LAPTM4B: variants seen among roughly 807,000 people sequenced by gnomAD.
LAPTM4B encodes lysosomal-associated transmembrane protein 4B.
In LAPTM4B, 26 loss-of-function variants were observed where a neutral mutation model predicts 28.5. The observed-to-expected ratio is 0.91, with a 90% CI of 0.67 to 1.27. The LOEUF is 1.27. Among genes scored for constraint, LAPTM4B ranks in the 50% most tolerant of loss-of-function variants. The pLI, the probability that LAPTM4B is intolerant of heterozygous loss-of-function variation, is 0.00. For missense variants in LAPTM4B, 288 were observed against 285.8 expected (o/e 1.01, Z -0.06); for synonymous variants, 109 against 106.4 (o/e 1.02, Z -0.15).
intron 6 of LAPTM4B, among the ~76,000 whole-genome samples, chr8:97,827,660 T>A (rs962011253): frequency 1.3e-5 from 2 of 152,022 alleles, no homozygotes; most frequent in African/African-American, 4.8e-5. Context: ...TGTTTCCAGG[T>A]AGATAGTATT....
chr8:97,812,226 TG>T (rs371442350), intron 2 of LAPTM4B, among the ~76,000 whole-genome samples: 12,172 of 45,056 alleles, frequency 0.27, 949 homozygotes, highest in Non-Finnish European at 0.43. Flanking sequence ...TGTTGTTTTT[TG>T]TTTTTTTTTT....
chr8:97,808,591 T>G (rs1235211375), intron 2 of LAPTM4B, among the ~76,000 whole-genome samples: 1 of 152,060 alleles, frequency 6.6e-6, no homozygotes, highest in East Asian at 1.9e-4. Flanking sequence ...AAAAGAAGTT[T>G]AAAAAAACAG....
At position 97,800,591 on chromosome 8, in the gene LAPTM4B, G is replaced by A. The variant is rs148725589; in HGVS notation, c.100-4762G>A. ...GGCTCACGGTAACCTCCGCCTCCCG[G>A]GTTCAAGCAATTCTCCTGCCTCAGC... is the stretch of plus-strand genomic sequence containing the variant. On this transcript the variant is annotated intron_variant, in intron 1 of 6. Transcript: ENST00000521545. Among the ~76,000 whole-genome samples, 601 of 146,518 alleles carry A rather than the reference G, an allele frequency of 4.1e-3. 4 individuals carry two copies. Among genetic ancestry groups the A allele is most frequent in the African/African-American group, 0.014 (555 of 39,268 alleles).
At chr8:97,788,913 C>G (rs1210956310) in intron 1 of LAPTM4B, among the ~76,000 whole-genome samples, 1 of 151,784 alleles carries the variant, frequency 6.6e-6, no homozygotes, top group Non-Finnish European at 1.5e-5. Context: ...CCAGGTTGGT[C>G]TCGAACTCCT....
chr8:97,828,845 T>G (rs2129820045), intron 6 of LAPTM4B, among the ~76,000 whole-genome samples: 1 of 152,328 alleles, frequency 6.6e-6, no homozygotes, highest in Non-Finnish European at 1.5e-5. Flanking sequence ...CAGTGGAAAC[T>G]CCTAATCCTA....
chr8:97,817,704 C>A (rs1227242072), intron 4 of LAPTM4B, among the ~76,000 whole-genome samples: 1 of 151,860 alleles, frequency 6.6e-6, no homozygotes, highest in Non-Finnish European at 1.5e-5. Context: ...CCCTCATCGG[C>A]CTCCCAGAGT....
intron 1 of LAPTM4B, among the ~76,000 whole-genome samples, chr8:97,789,571 A>G (rs1281062014): frequency 2.0e-5 from 3 of 149,782 alleles, no homozygotes; most frequent in Non-Finnish European, 3.0e-5. Context: ...CTTATTGTCC[A>G]GGCTGGAGTG....
chr8:97,816,095 A>G lies in LAPTM4B; in HGVS notation c.323A>G (p.Gln108Arg). The G allele has an allele frequency of 1.9e-6, 3 of 1,613,674 alleles. No homozygotes were observed. Among genetic ancestry groups the G allele is most frequent in the Non-Finnish European group, 2.5e-6 (3 of 1,179,814 alleles). ...TGGATCATCCCATTCTTCTGTTACCAGATCTTTGACTTTGCCCTGAACATG... is the reference window on the plus strand; with the variant it reads ...TGGATCATCCCATTCTTCTGTTACCGGATCTTTGACTTTGCCCTGAACATG... ...AAWIIPFFCY[Q>R]IFDFALNMLV... The change falls in exon 4 of 7, where the codon CAG becomes CGG. Residue 108 changes from glutamine (Q) to arginine (R), a missense_variant. Physicochemically the swap from Gln to Arg is conservative, Grantham distance 43. Coordinates refer to ENST00000521545, the MANE Select transcript of LAPTM4B (RefSeq NM_018407.6).
chr8:97,802,929 G>A (rs945847642), intron 1 of LAPTM4B, among the ~76,000 whole-genome samples: 7 of 151,942 alleles, frequency 4.6e-5, no homozygotes, highest in African/African-American at 1.5e-4. Context: ...GGCCAGGCAC[G>A]GTGCCTCACG....
At chr8:97,827,825 G>A in intron 6 of LAPTM4B, among the ~76,000 whole-genome samples, 1 of 152,142 alleles carries the variant, frequency 6.6e-6, no homozygotes, top group East Asian at 1.9e-4. Flanking sequence ...GGTAAGCAGT[G>A]GAAAGTTACA....
chr8:97,814,355 A>G (rs1054838892), intron 2 of LAPTM4B, among the ~76,000 whole-genome samples: 3 of 152,188 alleles, frequency 2.0e-5, no homozygotes, highest in Non-Finnish European at 4.4e-5. Flanking sequence ...TACTAAAAAT[A>G]TAAAAATTGG....
rs753400378 is a variant in LAPTM4B, at chr8:97,776,103, T to C, written c.94T>C (p.Tyr32His). ...CGGCACCATCCTGCTCGGCGTCTGGTATCTGGTGAGCGCGGCGCGCCCGGC... is the reference window on the plus strand; with the variant it reads ...CGGCACCATCCTGCTCGGCGTCTGGCATCTGGTGAGCGCGGCGCGCCCGGC... ...RTGTILLGVW[Y>H]LIINAVVLLI... The change falls in exon 1 of 7, where the codon TAT becomes CAT. Residue 32 changes from tyrosine to histidine, a missense_variant. Tyr to His is a moderately conservative substitution (Grantham distance 83, BLOSUM62 2). Coordinates refer to ENST00000521545, the MANE Select transcript of LAPTM4B (RefSeq NM_018407.6). 3 of 1,577,166 alleles carry C rather than the reference T, an allele frequency of 1.9e-6. No individual in the cohort carries two copies. The Admixed American group carries it at 5.2e-5, about 27-fold the overall frequency.
chr8:97,824,571 CTG>C (rs943705962), intron 5 of LAPTM4B, among the ~76,000 whole-genome samples: 1 of 152,048 alleles, frequency 6.6e-6, no homozygotes, highest in African/African-American at 2.4e-5. Flanking sequence ...ATTTTATTGA[CTG>C]TGAGATAAAT....
At chr8:97,800,608 T>C (rs957105332) in intron 1 of LAPTM4B, among the ~76,000 whole-genome samples, 2 of 149,240 alleles carry the variant, frequency 1.3e-5, no homozygotes, top group Admixed American at 6.9e-5. Flanking sequence ...GCAATTCTCC[T>C]GCCTCAGCTT....
At chr8:97,836,887 T>G (rs1054614720) in intron 6 of LAPTM4B, among the ~76,000 whole-genome samples, 2 of 151,956 alleles carry the variant, frequency 1.3e-5, no homozygotes, top group Non-Finnish European at 2.9e-5. Flanking sequence ...AAAAACGCAA[T>G]TGAAGAAAGG....
At chr8:97,798,933 G>A (rs959639921) in intron 1 of LAPTM4B, among the ~76,000 whole-genome samples, 2 of 152,178 alleles carry the variant, frequency 1.3e-5, no homozygotes, top group East Asian at 1.9e-4. Flanking sequence ...AATCGACGTC[G>A]TCATAGTCCT....
rs570194161 is a variant in LAPTM4B at position 97,849,450 on chromosome 8, A to T, written c.604-1947A>T. On this transcript the variant is annotated intron_variant, in intron 6 of 6. Coordinates refer to ENST00000521545, the MANE Select transcript of LAPTM4B (RefSeq NM_018407.6). ...CCTGCTGTGCTTCCTTACCTCAGGC[A>T]TGTGTTCTGTACTGAGTGTATCTTG... 2.6e-5 allele frequency among the ~76,000 whole-genome samples: 4 copies of T among 152,292 alleles called. No individual in the cohort carries two copies. In the East Asian group the frequency reaches 7.7e-4, roughly 29 times the overall value.
intron 5 of LAPTM4B, among the ~76,000 whole-genome samples, chr8:97,822,231 T>A (rs899378164): frequency 1.4e-5 from 2 of 143,840 alleles, no homozygotes; most frequent in South Asian, 4.2e-4. Flanking sequence ...CTCATTGTAG[T>A]TCGTCTTTGA....
chr8:97,787,208 C>T (rs1189958092), intron 1 of LAPTM4B, among the ~76,000 whole-genome samples: 1 of 151,800 alleles, frequency 6.6e-6, no homozygotes, highest in Non-Finnish European at 1.5e-5. Context: ...AAAATGCACA[C>T]ATCACTTTCA....
Sources: allele counts gnomAD v4.1 joint callset (sites outside exome capture counted in the v4.1 genomes callset), GRCh38; gene constraint gnomAD v4.1.1; transcripts MANE v1.5; gene names NCBI Gene and HGNC (gene_info 2026-07-23, HGNC 2026-07-21).